WDFY1: variants seen among roughly 807,000 people sequenced by gnomAD.
The protein encoded by WDFY1 is WD repeat and FYVE domain containing 1, also known as WD repeat and FYVE domain-containing protein 1.
Under a neutral mutation model 56.4 loss-of-function variants are expected in WDFY1, and 32 were observed. The observed-to-expected ratio is 0.57, with a 90% CI of 0.43 to 0.76. The LOEUF is 0.76. Among genes scored for constraint, WDFY1 ranks in the 30% least tolerant of loss-of-function variants. The probability of loss-of-function intolerance (pLI) is 0.00; values close to 1 mark genes in which losing one functional copy is unlikely to be tolerated. For synonymous variants in WDFY1, 192 were observed against 197.3 expected, an observed-to-expected ratio of 0.97 and a Z score of 0.23; for missense variants, 480 against 545.7, an observed-to-expected ratio of 0.88 and a Z score of 1.20.
chr2:223,882,920 G>T (rs1280694394), intron 9 of WDFY1, among the ~76,000 whole-genome samples: 1 of 152,008 alleles, frequency 6.6e-6, no homozygotes, highest in Non-Finnish European at 1.5e-5. Context: ...GCAGAGACAG[G>T]GTCTTGCTAT....
At chr2:223,923,218 C>A (rs1693916498) in intron 1 of WDFY1, among the ~76,000 whole-genome samples, 1 of 152,176 alleles carries the variant, frequency 6.6e-6, no homozygotes, top group African/African-American at 2.4e-5. Context: ...AAGTTTAACC[C>A]TTAACACTAT....
intron 1 of WDFY1, among the ~76,000 whole-genome samples, chr2:223,944,153 G>T (rs1689361475): frequency 6.6e-6 from 1 of 152,212 alleles, no homozygotes; most frequent in African/African-American, 2.4e-5. Flanking sequence ...AAAAATAACT[G>T]ATCTAGAGGC....
rs777547180 is a variant in WDFY1, at chr2:223,878,697, G to C, written c.1207C>G (p.Leu403Val). Residue 403 changes from leucine (L) to valine (V), a missense_variant, in exon 12 of 12, where the codon CTG becomes GTG. Leu to Val is a conservative substitution (Grantham distance 32, BLOSUM62 1). Coordinates refer to ENST00000233055, the MANE Select transcript of WDFY1 (RefSeq NM_020830.5). ...WDMTPVVGCSLATGFSPH is the reference protein window; with the variant it reads ...WDMTPVVGCSVATGFSPH Reference sequence around the variant, plus strand: ...CAGTGCGGAGAAAACCCAGTCGCCAGACTGCAGCCCACCACAGGTGTCATG... The same window carrying C: ...CAGTGCGGAGAAAACCCAGTCGCCACACTGCAGCCCACCACAGGTGTCATG... 6.2e-7 allele frequency: 1 copy of C among 1,614,070 alleles called. No homozygotes were observed. The highest frequency in any genetic ancestry group is 8.5e-7 in the Non-Finnish European group (1 of 1,179,968).
intron 1 of WDFY1, among the ~76,000 whole-genome samples, chr2:223,944,005 T>C (rs1689359159): frequency 1.3e-5 from 2 of 152,128 alleles, no homozygotes; most frequent in African/African-American, 4.8e-5. Context: ...GTTTACTCTG[T>C]CTGGTGAGTA....
intron 10 of WDFY1, among the ~76,000 whole-genome samples, chr2:223,880,847 A>C (rs1693058207): frequency 6.6e-6 from 1 of 152,096 alleles, no homozygotes; most frequent in Non-Finnish European, 1.5e-5. Flanking sequence ...ACTGCATTGA[A>C]TAAAATCATA....
rs369823188 is a variant in WDFY1 at position 223,945,307 on chromosome 2, C to T, written c.-23G>A. On this transcript the variant is annotated 5_prime_UTR_variant, in exon 1 of 12. Coordinates refer to ENST00000233055, the MANE Select transcript of WDFY1 (RefSeq NM_020830.5). ...CATGTTCGCGCGGCGACTGCTGCGG[C>T]CTCCTCGGCAGGCAGCCCATCAGCT... The T allele has an allele frequency of 3.2e-6, 5 of 1,555,336 alleles. No homozygotes were observed.
intron 8 of WDFY1, among the ~76,000 whole-genome samples, chr2:223,885,024 T>C (rs1339567111): frequency 6.6e-6 from 1 of 151,966 alleles, no homozygotes; most frequent in East Asian, 1.9e-4. Flanking sequence ...GTATTTTTAG[T>C]AGACATGGGG....
chr2:223,890,958 CCA>C (rs1687422817), intron 8 of WDFY1, among the ~76,000 whole-genome samples: 1 of 152,184 alleles, frequency 6.6e-6, no homozygotes, highest in South Asian at 2.1e-4. Flanking sequence ...GTGGTTGAAG[CCA>C]CAGTGGGTAG....
rs1693504391 is a variant in WDFY1, at chr2:223,901,285, CA to C, written c.382del (p.Trp128GlyfsTer2). 6.2e-7 allele frequency: 1 copy of C among 1,614,144 alleles called. No homozygotes were observed. The highest frequency in any genetic ancestry group is 8.5e-7 in the Non-Finnish European group (1 of 1,180,032). ...CTTGTCGTGGCCGGTACTGATCACC[CA>C]CTCTGTGGCCAAGCTGAAGATAATC... The part of the protein sequence containing the change: ...SAIIFSLATE[W>X]VISTGHDKCV... On this transcript the variant is annotated frameshift_variant, in exon 5 of 12. Transcript: ENST00000233055. LOFTEE classifies it high-confidence loss of function.
chr2:223,905,657 C>T (rs995883021), intron 4 of WDFY1, among the ~76,000 whole-genome samples: 1 of 151,796 alleles, frequency 6.6e-6, no homozygotes, highest in African/African-American at 2.4e-5. Context: ...CACACACATA[C>T]ATGTATGAAG....
At chr2:223,944,294 G>A (rs530456240) in intron 1 of WDFY1, among the ~76,000 whole-genome samples, 3 of 152,356 alleles carry the variant, frequency 2.0e-5, no homozygotes, top group African/African-American at 7.2e-5. Flanking sequence ...CGCTTCCAGA[G>A]GAGACGATTT....
chr2:223,904,444 G>T (rs1269282756), intron 4 of WDFY1, among the ~76,000 whole-genome samples: 1 of 152,078 alleles, frequency 6.6e-6, no homozygotes, highest in East Asian at 1.9e-4. Flanking sequence ...GTAGAGACGG[G>T]TTTTCACCAT....
chr2:223,895,718 A>C, intron 6 of WDFY1, 88 bp from the exon 7 acceptor site: 1 of 1,538,804 alleles, frequency 6.5e-7, no homozygotes, highest in South Asian at 1.2e-5. Context: ...TTGACAGCTG[A>C]AGACCAAACT....
chr2:223,909,257 T>C (rs747051490), intron 3 of WDFY1, among the ~76,000 whole-genome samples: 40 of 152,136 alleles, frequency 2.6e-4, no homozygotes, highest in Non-Finnish European at 4.1e-4. Flanking sequence ...CCCTCAATGA[T>C]TGGCGTGACT....
intron 1 of WDFY1, among the ~76,000 whole-genome samples, chr2:223,920,167 C>T (rs1273630654): frequency 1.3e-5 from 2 of 152,212 alleles, no homozygotes; most frequent in Non-Finnish European, 2.9e-5. Context: ...TGAAAATGCA[C>T]AAAGACAACA....
At chr2:223,883,675 T>TCGC (rs1416377892) in intron 9 of WDFY1, among the ~76,000 whole-genome samples, 1 of 152,232 alleles carries the variant, frequency 6.6e-6, no homozygotes. Context: ...AGATGGAGTC[T>TCGC]CGCTCTGTCA....
chr2:223,926,115 T>C (rs1456842661), intron 1 of WDFY1, among the ~76,000 whole-genome samples: 1 of 152,204 alleles, frequency 6.6e-6, no homozygotes, highest in Admixed American at 6.5e-5. Context: ...CCCAGATCTA[T>C]CAGAGGCACT....
At chr2:223,934,492 A>G (rs775827803) in intron 1 of WDFY1, among the ~76,000 whole-genome samples, 11 of 151,974 alleles carry the variant, frequency 7.2e-5, no homozygotes, top group Non-Finnish European at 1.6e-4. Flanking sequence ...TAAGCTTTAC[A>G]CTGTTTTTCA....
chr2:223,945,153 C>T lies in WDFY1; in HGVS notation c.132G>A (p.Glu44=), dbSNP rs1343092442. ...PKEDGVITAS[E]DRTIRVWLKR... ...CGGCTGCGCCCGGGCCCTACCTGTC[C>T]TCGCTGGCCGTGATCACGCCGTCCT... The change falls in exon 1 of 12, where the codon GAG becomes GAA. Residue 44 remains glutamate (E), a synonymous_variant. Coordinates refer to ENST00000233055, the MANE Select transcript of WDFY1 (RefSeq NM_020830.5). 3 of 1,592,718 alleles carry T rather than the reference C, an allele frequency of 1.9e-6. No individual in the cohort carries two copies. The highest frequency in any genetic ancestry group is 1.4e-5 in the African/African-American group (1 of 72,418).
Sources: allele counts gnomAD v4.1 joint callset (sites outside exome capture counted in the v4.1 genomes callset), GRCh38; gene constraint gnomAD v4.1.1; transcripts MANE v1.5; gene names NCBI Gene and HGNC (gene_info 2026-07-23, HGNC 2026-07-21).